The following CORIN variants were observed in gnomAD, a reference collection of about 807,000 sequenced individuals.
CORIN encodes atrial natriuretic peptide-converting enzyme.
A neutral mutation model predicts 125.3 loss-of-function variants in CORIN; 117 were observed. The ratio of observed to expected loss-of-function variants is 0.93; its 90% confidence interval spans 0.80 to 1.09. The LOEUF is 1.09. Ranked by LOEUF, CORIN falls within the 50% of genes least tolerant of loss-of-function variation. The pLI is 0.00. For synonymous variants in CORIN, 450 were observed against 466.4 expected (o/e 0.96, Z 0.45); for missense variants, 1,253 against 1,306.7 (o/e 0.96, Z 0.63).
rs563373024 is a variant in CORIN, at chr4:47,701,546, T to C, written c.800-8463A>G. On this transcript the variant is annotated intron_variant, in intron 5 of 21. Coordinates refer to ENST00000273857, the MANE Select transcript of CORIN (RefSeq NM_006587.4). ...CATTGTCAAGAAACAACAGAATAGA[T>C]CTGTAACTGGTGGCACTTTGATAGG... is the stretch of plus-strand genomic sequence containing the variant. Among the ~76,000 whole-genome samples, 137 of 152,284 alleles carry C rather than the reference T, an allele frequency of 9.0e-4. 2 individuals carry two copies. Among genetic ancestry groups the C allele is most frequent in the Middle Eastern group, 3.4e-3 (1 of 294 alleles).
At chr4:47,630,038 T>C (rs1722746665) in intron 16 of CORIN, among the ~76,000 whole-genome samples, 1 of 152,204 alleles carries the variant, frequency 6.6e-6, no homozygotes, top group Admixed American at 6.6e-5. Flanking sequence ...GTTCTTTTGA[T>C]AGCTGCATAG....
intron 3 of CORIN, among the ~76,000 whole-genome samples, chr4:47,785,405 T>C (rs1730745033): frequency 6.6e-6 from 1 of 152,332 alleles, no homozygotes. Context: ...CCACGCCCCA[T>C]GTCCACACTT....
At chr4:47,674,640 C>A in intron 9 of CORIN, 140 bp from the exon 10 acceptor site, 1 of 623,348 alleles carries the variant, frequency 1.6e-6, no homozygotes, top group Non-Finnish European at 2.9e-6. Context: ...AAGTATTGAA[C>A]GTACGTTGAA....
chr4:47,653,490 A>C, intron 13 of CORIN, 63 bp downstream of exon 13: 1 of 1,329,604 alleles, frequency 7.5e-7, no homozygotes. Context: ...TTTTTAACAC[A>C]GTTTCTTATT....
At chr4:47,747,141 A>G (rs2109841793) in intron 4 of CORIN, among the ~76,000 whole-genome samples, 1 of 152,250 alleles carries the variant, frequency 6.6e-6, no homozygotes, top group East Asian at 1.9e-4. Context: ...CTAGATGGCC[A>G]CCTCTACCAG....
At chr4:47,642,191 G>T in intron 15 of CORIN, 142 bp from the exon 16 acceptor site, 1 of 753,284 alleles carries the variant, frequency 1.3e-6, no homozygotes, top group Non-Finnish European at 2.0e-6. Flanking sequence ...CCTACCCTGT[G>T]CAAATCACTG....
intron 2 of CORIN, among the ~76,000 whole-genome samples, chr4:47,794,191 A>G (rs886369057): frequency 6.6e-6 from 1 of 152,168 alleles, no homozygotes; most frequent in African/African-American, 2.4e-5. Context: ...TTTTTAAGTG[A>G]TACTAAGAAT....
intron 3 of CORIN, 56 bp downstream of exon 3, chr4:47,786,662 CAAACTTA>C: frequency 7.4e-7 from 1 of 1,352,748 alleles, no homozygotes; most frequent in Non-Finnish European, 1.0e-6. Flanking sequence ...CATTGGTTGC[CAAACTTA>C]AAAACCTACC....
intron 10 of CORIN, among the ~76,000 whole-genome samples, chr4:47,669,858 C>G (rs762409423): frequency 6.6e-6 from 1 of 152,140 alleles, no homozygotes. Flanking sequence ...CGTGAGCCAC[C>G]GCACCCGGCT....
At chr4:47,605,623 A>G (rs1330364578) in intron 19 of CORIN, among the ~76,000 whole-genome samples, 1 of 152,148 alleles carries the variant, frequency 6.6e-6, no homozygotes, top group Non-Finnish European at 1.5e-5. Flanking sequence ...GATCAAATCA[A>G]CTAAAGTAGG....
chr4:47,832,904 G>A (rs974713163), intron 1 of CORIN, among the ~76,000 whole-genome samples: 2 of 152,120 alleles, frequency 1.3e-5, no homozygotes, highest in Non-Finnish European at 2.9e-5. Context: ...TGTGCCCAAG[G>A]AGACTGAAGA....
At chr4:47,621,187 T>C (rs1305495797) in intron 19 of CORIN, among the ~76,000 whole-genome samples, 1 of 152,206 alleles carries the variant, frequency 6.6e-6, no homozygotes, top group East Asian at 1.9e-4. Flanking sequence ...CTGTGACTGA[T>C]GGCTCTGGGC....
At chr4:47,706,913 C>T in intron 5 of CORIN, 4 of 1,599,628 alleles carry the variant, frequency 2.5e-6, no homozygotes, top group Non-Finnish European at 3.4e-6. Context: ...CCATAAGTTC[C>T]ACCACACTAT....
chr4:47,810,173 T>C (rs1284536151), intron 1 of CORIN, among the ~76,000 whole-genome samples: 1 of 152,144 alleles, frequency 6.6e-6, no homozygotes, highest in African/African-American at 2.4e-5. Context: ...GGCTTTTGTT[T>C]GTTTGTTTGT....
chr4:47,815,550 TC>T (rs1414045292), intron 1 of CORIN, among the ~76,000 whole-genome samples: 1 of 152,084 alleles, frequency 6.6e-6, no homozygotes, highest in Non-Finnish European at 1.5e-5. Context: ...ATAAATAGGA[TC>T]CTGTGTCCTT....
At position 47,653,608 on chromosome 4, in the gene CORIN, G is replaced by A. The variant is rs771400832; in HGVS notation, c.1788C>T (p.Ser596=). The A allele has an allele frequency of 6.2e-7, 1 of 1,614,028 alleles. No homozygotes were observed. Among genetic ancestry groups the A allele is most frequent in the Admixed American group, 1.7e-5 (1 of 60,014 alleles). ...KCRSGQCVLA[S]RRCDGQADCD... ...AGTCGGCCTGGCCATCACATCTTCT[G>A]GAAGCCAGAACACACTGTCCTGAGC... The change falls in exon 13 of 22, where the codon TCC becomes TCT. Residue 596 remains serine (S), a synonymous_variant. Coordinates refer to ENST00000273857, the MANE Select transcript of CORIN (RefSeq NM_006587.4).
chr4:47,667,606 G>A (rs1449517981), intron 10 of CORIN, among the ~76,000 whole-genome samples: 1 of 152,122 alleles, frequency 6.6e-6, no homozygotes, highest in African/African-American at 2.4e-5. Context: ...CTTCTTAATT[G>A]AAAGAATCCG....
intron 19 of CORIN, among the ~76,000 whole-genome samples, chr4:47,617,934 T>C (rs1560474337): frequency 6.7e-6 from 1 of 149,440 alleles, no homozygotes; most frequent in Non-Finnish European, 1.5e-5. Flanking sequence ...AGGTGGAAGA[T>C]TATTGAGTAA....
intron 2 of CORIN, among the ~76,000 whole-genome samples, chr4:47,805,148 A>ATAAAT (rs1553919341): frequency 7.7e-6 from 1 of 129,166 alleles, no homozygotes; most frequent in African/African-American, 2.9e-5. Flanking sequence ...AAAAAAAAAA[A>ATAAAT]AATAATAATA....
Sources: allele counts gnomAD v4.1 joint callset (sites outside exome capture counted in the v4.1 genomes callset), GRCh38; gene constraint gnomAD v4.1.1; transcripts MANE v1.5; gene names NCBI Gene and HGNC (gene_info 2026-07-23, HGNC 2026-07-21).